The following UBE3C variants were observed in gnomAD, a reference collection of about 807,000 sequenced individuals.
UBE3C encodes the protein ubiquitin protein ligase E3C.
UBE3C carries 42 observed loss-of-function variants against 129.4 expected under a neutral mutation model. The ratio of observed to expected loss-of-function variants is 0.32; its 90% confidence interval spans 0.25 to 0.42. UBE3C has a LOEUF of 0.42. Among genes scored for constraint, UBE3C ranks in the 10% least tolerant of loss-of-function variants. The probability of loss-of-function intolerance (pLI) is 1.00; values close to 1 mark genes in which losing one functional copy is unlikely to be tolerated. For synonymous variants in UBE3C, 510 were observed against 492.4 expected (o/e 1.04, Z -0.47); for missense variants, 1,049 against 1,319.1 (o/e 0.80, Z 3.17).
At chr7:157,148,500 T>C (rs547042595) in intron 1 of UBE3C, among the ~76,000 whole-genome samples, 3 of 152,188 alleles carry the variant, frequency 2.0e-5, no homozygotes, top group East Asian at 1.9e-4. Context: ...CCCTCTATTA[T>C]ATAATTGAAG....
At chr7:157,189,055 G>A (rs981951303) in intron 10 of UBE3C, 1 of 426,578 alleles carries the variant, frequency 2.3e-6, no homozygotes, top group Non-Finnish European at 4.2e-6. Flanking sequence ...TAGAAGAACC[G>A]GCTTTTCCTA....
intron 14 of UBE3C, among the ~76,000 whole-genome samples, chr7:157,218,504 G>A (rs1586697304): frequency 6.6e-6 from 1 of 152,076 alleles, no homozygotes; most frequent in African/African-American, 2.4e-5. Flanking sequence ...GAAAACAGGA[G>A]TGTTTCAGAA....
intron 17 of UBE3C, among the ~76,000 whole-genome samples, 185 bp downstream of exon 17, chr7:157,225,724 G>A (rs1268636450): frequency 2.0e-5 from 3 of 152,192 alleles, no homozygotes; most frequent in Admixed American, 1.3e-4. Flanking sequence ...TGAGGTGAGA[G>A]GATTGCTTGT....
At position 157,192,870 on chromosome 7, in the gene UBE3C, A is replaced by G. The variant is rs1809011135; in HGVS notation, c.1331+5849A>G. On this transcript the variant is annotated intron_variant, in intron 10 of 22. Transcript: ENST00000348165. ...TAATAAAAGACATGAACTTAAAAAA[A>G]AAAAAAAGAAGGGATTATCAAAGAA... is the stretch of plus-strand genomic sequence containing the variant. 5.5e-6 allele frequency: 5 copies of G among 915,886 alleles called. No homozygotes were observed. In the Admixed American group the frequency reaches 9.8e-5, roughly 18 times the overall value. The allele number at this position is 915,886 out of a possible 1,614,324, so 56.7% of individuals were successfully genotyped here.
intron 6 of UBE3C, among the ~76,000 whole-genome samples, chr7:157,180,236 G>A (rs1398567341): frequency 6.6e-6 from 1 of 152,206 alleles, no homozygotes; most frequent in Non-Finnish European, 1.5e-5. Context: ...TCTGTGCCAT[G>A]AAGCTTTTTA....
chr7:157,226,139 G>A (rs113095219), intron 17 of UBE3C, among the ~76,000 whole-genome samples: 98 of 152,228 alleles, frequency 6.4e-4, no homozygotes, highest in African/African-American at 2.3e-3. Flanking sequence ...TAAAAATCTC[G>A]ATGGTAGCCA....
At chr7:157,192,863 T>TAAAA in intron 10 of UBE3C, 4 of 747,574 alleles carry the variant, frequency 5.4e-6, no homozygotes, top group Non-Finnish European at 8.7e-6. Flanking sequence ...GACATGAACT[T>TAAAA]AAAAAAAAAA....
At chr7:157,175,786 A>G (rs922965305) in intron 5 of UBE3C, among the ~76,000 whole-genome samples, 2 of 152,228 alleles carry the variant, frequency 1.3e-5, no homozygotes, top group Non-Finnish European at 2.9e-5. Flanking sequence ...CCAGTAATTC[A>G]TATTTTTTCT....
At chr7:157,257,763 A>AAT in intron 22 of UBE3C, among the ~76,000 whole-genome samples, 1 of 150,150 alleles carries the variant, frequency 6.7e-6, no homozygotes, top group African/African-American at 2.4e-5. Flanking sequence ...AAAAAAAAAA[A>AAT]TTGCCTCAGG....
Position 157,187,041 on chromosome 7 carries a change from T to C in UBE3C, c.1331+20T>C. ...AGTCAGGCAAGTGTCCGTGGGCGTC[T>C]GTGCCAGGGGGTGCCAGCCAGAGAA... On this transcript the variant is annotated intron_variant, in intron 10 of 22. Transcript: ENST00000348165. 6.4e-7 allele frequency: 1 copy of C among 1,573,458 alleles called. No homozygotes were observed. Among genetic ancestry groups the C allele is most frequent in the Non-Finnish European group, 8.6e-7 (1 of 1,158,528 alleles).
intron 1 of UBE3C, among the ~76,000 whole-genome samples, chr7:157,160,915 A>G (rs1178534909): frequency 6.6e-6 from 1 of 152,178 alleles, no homozygotes; most frequent in Admixed American, 6.5e-5. Context: ...TGTGCGTATA[A>G]TCCTATGGAT....
rs1795718026 is a variant in UBE3C at position 157,220,817 on chromosome 7, C to T, written c.2002+41C>T. ...CACAGGGTTACTGAGGTATGAATTA[C>T]ATGCTGTCAAATTCACTCCTTTAAT... On this transcript the variant is annotated intron_variant, in intron 15 of 22. Coordinates refer to ENST00000348165, the MANE Select transcript of UBE3C (RefSeq NM_014671.3). 4 of 1,597,126 alleles carry T rather than the reference C, an allele frequency of 2.5e-6. No homozygotes were observed. The Admixed American group carries it at 5.0e-5, about 20-fold the overall frequency.
chr7:157,193,758 A>G (rs183291550), intron 10 of UBE3C, among the ~76,000 whole-genome samples: 8 of 152,006 alleles, frequency 5.3e-5, no homozygotes, highest in Admixed American at 4.6e-4. Flanking sequence ...GACCTCACAC[A>G]TGGTTGTCTG....
chr7:157,248,264 C>T, intron 18 of UBE3C, 104 bp from the exon 19 acceptor site: 1 of 1,036,958 alleles, frequency 9.6e-7, no homozygotes, highest in Non-Finnish European at 1.4e-6. Context: ...GAGAAAATAC[C>T]TGCTCTCTTA....
intron 5 of UBE3C, 39 bp downstream of exon 5, chr7:157,175,073 T>G (rs753322507): frequency 3.1e-5 from 45 of 1,451,112 alleles, no homozygotes; most frequent in Middle Eastern, 3.6e-4. Flanking sequence ...ATATAATGTA[T>G]TGATCACCTT....
chr7:157,225,426 A>G lies in UBE3C; in HGVS notation c.2120A>G (p.Tyr707Cys). The G allele has an allele frequency of 6.2e-6, 10 of 1,605,982 alleles. No homozygotes were observed. Among genetic ancestry groups the G allele is most frequent in the Non-Finnish European group, 8.5e-6 (10 of 1,178,210 alleles). ...TGTTAGATCTTTCAGAGGTTGATTT[A>G]TGCAGATAAGCAAGAAGTTCAAGGA... ...ERVKIFQRLIYADKQEVQGDG... is the reference protein window; with the variant it reads ...ERVKIFQRLICADKQEVQGDG... Residue 707 changes from tyrosine (Y) to cysteine (C), a missense_variant, in exon 17 of 23, where the codon TAT becomes TGT. Tyr to Cys is a radical substitution (Grantham distance 194). This residue lies in a region of UBE3C where 314 missense variants were observed against 416.9 expected (regional missense o/e 0.75). Coordinates refer to ENST00000348165, the MANE Select transcript of UBE3C (RefSeq NM_014671.3).
At chr7:157,264,626 G>T (rs981197776) in intron 22 of UBE3C, among the ~76,000 whole-genome samples, 4 of 152,176 alleles carry the variant, frequency 2.6e-5, no homozygotes, top group African/African-American at 9.7e-5. Context: ...TTATTGCCCA[G>T]GCTGGAGTGC....
intron 1 of UBE3C, among the ~76,000 whole-genome samples, chr7:157,162,249 C>T (rs1276807352): frequency 1.3e-5 from 2 of 151,610 alleles, no homozygotes; most frequent in Non-Finnish European, 2.9e-5. Context: ...GGCTGGAGTG[C>T]AGTGGCGTGA....
At chr7:157,223,666 G>C (rs1283679517) in intron 16 of UBE3C, among the ~76,000 whole-genome samples, 1 of 152,148 alleles carries the variant, frequency 6.6e-6, no homozygotes, top group Non-Finnish European at 1.5e-5. Context: ...GCTCATGCCT[G>C]TAATCCCAGC....
Sources: gnomAD v4.1 joint callset for allele counts (sites outside exome capture counted in the v4.1 genomes callset) on GRCh38, gnomAD v4.1.1 for gene constraint, gnomAD v4.1.1 regional missense constraint, MANE v1.5 for transcripts, NCBI Gene and HGNC (gene_info 2026-07-23, HGNC 2026-07-21) for gene names.